The following LIPE variants were observed in gnomAD, a reference collection of about 807,000 sequenced individuals.
LIPE encodes the protein hormone-sensitive lipase.
LIPE carries 66 observed loss-of-function variants against 88.5 expected under a neutral mutation model. The ratio of observed to expected loss-of-function variants is 0.75; its 90% confidence interval spans 0.61 to 0.91. The LOEUF (loss-of-function observed/expected upper bound fraction) is 0.91. Ranked by LOEUF, LIPE falls within the 40% of genes least tolerant of loss-of-function variation. LIPE has a pLI of 0.00. For synonymous variants in LIPE, 570 were observed against 617.5 expected (o/e 0.92, Z 1.14); for missense variants, 1,346 against 1,434.7 (o/e 0.94, Z 1.00).
In LIPE at chr19:42,408,190, G is replaced by T. The variant is rs1307939201; in HGVS notation, c.1510+42C>A. The T allele has an allele frequency of 6.2e-7, 1 of 1,613,620 alleles. No individual in the cohort carries two copies. The highest frequency in any genetic ancestry group is 1.1e-5 in the South Asian group (1 of 91,056). On this transcript the variant is annotated intron_variant, in intron 3 of 9. Transcript: ENST00000244289. The surrounding 1 kb of genome is among the most constrained non-coding windows in gnomAD (Gnocchi z 4.3). ...TGCTTGGGCAGGAGTGGGGAGGAGG[G>T]CCAAGAGAGTAGGCTGCGAGTAGAA...
Position 42,425,953 on chromosome 19 carries a change from C to T in LIPE, c.883+314G>A, listed in dbSNP as rs148806969. Reference sequence around the variant, plus strand: ...AGTAGCTGGGATTACAGGCACCTGCCACCACGCCTGGCTAATTTTTGTATT... The same window carrying T: ...AGTAGCTGGGATTACAGGCACCTGCTACCACGCCTGGCTAATTTTTGTATT... On this transcript the variant is annotated intron_variant, in intron 1 of 9. Coordinates refer to ENST00000244289, the MANE Select transcript of LIPE (RefSeq NM_005357.4). Among the ~76,000 whole-genome samples the T allele has an allele frequency of 7.8e-3, 1,192 of 152,142 alleles. 15 individuals carry two copies. The highest frequency in any genetic ancestry group is 0.027 in the African/African-American group (1,123 of 41,512).
At chr19:42,418,416 A>G (rs1600140214) in intron 1 of LIPE, among the ~76,000 whole-genome samples, 2 of 152,370 alleles carry the variant, frequency 1.3e-5, no homozygotes, top group Admixed American at 1.3e-4. Flanking sequence ...TGCCACAGCC[A>G]CTTTCTACAA....
rs1219120528 is a variant in LIPE at position 42,410,154 on chromosome 19, G to T, written c.1419+153C>A. On this transcript the variant is annotated intron_variant, in intron 2 of 9. Coordinates refer to ENST00000244289, the MANE Select transcript of LIPE (RefSeq NM_005357.4). This position sits in a 1 kb window ranked among gnomAD's most constrained non-coding sequence, Gnocchi z 6.1. ...AGTTTGAGACCCCTGGTGCAGCTCT[G>T]TCTGAGCTCCAGCCAACTTCTCCTT... Among the ~76,000 whole-genome samples the T allele has an allele frequency of 1.3e-5, 2 of 152,216 alleles. No homozygotes were observed. Among genetic ancestry groups the T allele is most frequent in the Non-Finnish European group, 2.9e-5 (2 of 68,038 alleles).
chr19:42,424,388 A>G (rs1039487767), intron 1 of LIPE: 2 of 456,312 alleles, frequency 4.4e-6, no homozygotes, highest in African/African-American at 4.0e-5. Context: ...ACACGCACAC[A>G]GCCAACTGCT....
intron 9 of LIPE, among the ~76,000 whole-genome samples, 191 bp from the exon 10 acceptor site, chr19:42,402,266 G>T (rs1374607545): frequency 5.9e-5 from 9 of 152,010 alleles, no homozygotes; most frequent in Non-Finnish European, 1.2e-4. Flanking sequence ...TTGTGGGAAG[G>T]ATGGGAGAAT....
At position 42,402,942 on chromosome 19, in the gene LIPE, C is replaced by T. The variant is rs1285221785; in HGVS notation, c.2632G>A (p.Asp878Asn). The stretch of plus-strand genomic sequence containing the variant: ...TCGGAGTTTCCCCTCAGGCTCAAGT[C>T]CCTCAGGGTCAGGTTCTTGAGGGAA... Reference protein sequence around the residue: ...TDSLKNLTLRDLSLRGNSETS... With the variant: ...TDSLKNLTLRNLSLRGNSETS... The change falls in exon 9 of 10, where the codon GAC becomes AAC. Residue 878 changes from aspartate (D) to asparagine (N), a missense_variant. By Grantham distance (23) the Asp-to-Asn change is conservative. Coordinates refer to ENST00000244289, the MANE Select transcript of LIPE (RefSeq NM_005357.4). The T allele has an allele frequency of 1.9e-6, 3 of 1,610,056 alleles. No individual in the cohort carries two copies. Among genetic ancestry groups the T allele is most frequent in the Non-Finnish European group, 2.5e-6 (3 of 1,179,908 alleles).
At position 42,405,412 on chromosome 19, in the gene LIPE, A is replaced by T. The variant is rs1451713500; in HGVS notation, c.2515T>A (p.Ser839Thr). 2 of 1,613,392 alleles carry T rather than the reference A, an allele frequency of 1.2e-6. No individual in the cohort carries two copies. The highest frequency in any genetic ancestry group is 2.7e-5 in the African/African-American group (2 of 74,832). ...GCTATGGGCTCCGACATCTTCTGGG[A>T]CTTGCGCCCACTTAACTCCAGGAAG... ...NSFLELSGRK[S>T]QKMSEPIAEP... The change falls in exon 8 of 10, where the codon TCC (serine) becomes ACC (threonine). Residue 839 changes from serine to threonine, a missense_variant. Coordinates refer to ENST00000244289, the MANE Select transcript of LIPE (RefSeq NM_005357.4).
intron 8 of LIPE, among the ~76,000 whole-genome samples, chr19:42,404,480 C>T (rs923457980): frequency 1.2e-4 from 18 of 152,148 alleles, no homozygotes; most frequent in Non-Finnish European, 2.2e-4. Flanking sequence ...CTGCCCGCCT[C>T]GGCCTCCCAA....
chr19:42,424,082 A>T (rs2040659251), intron 1 of LIPE: 2 of 1,189,000 alleles, frequency 1.7e-6, no homozygotes, highest in South Asian at 3.1e-5. Flanking sequence ...GCTGTGCCTG[A>T]GAGCCGTTGG....
intron 1 of LIPE, chr19:42,412,318 G>A (rs2040398991): frequency 1.0e-6 from 1 of 985,626 alleles, no homozygotes; most frequent in African/African-American, 1.7e-5. Flanking sequence ...CTAGGTCCTG[G>A]GGCCTGGCAG....
At chr19:42,402,524 G>T in intron 9 of LIPE, 83 bp downstream of exon 9, 2 of 1,272,736 alleles carry the variant, frequency 1.6e-6, no homozygotes, top group Non-Finnish European at 2.1e-6. Flanking sequence ...TTTTTCCCAG[G>T]TGTACCCGTG....
At chr19:42,421,927 T>A (rs1265044469) in intron 1 of LIPE, among the ~76,000 whole-genome samples, 2 of 152,250 alleles carry the variant, frequency 1.3e-5, no homozygotes, top group Non-Finnish European at 2.9e-5. Context: ...TGAGCCTTTG[T>A]GAATGGCTCG....
intron 8 of LIPE, among the ~76,000 whole-genome samples, chr19:42,404,424 T>G (rs1444596136): frequency 1.3e-5 from 2 of 152,082 alleles, no homozygotes; most frequent in Non-Finnish European, 2.9e-5. Context: ...AGGGATGGGG[T>G]TTCACCATGT....
In LIPE at chr19:42,410,977, A is replaced by G. The variant is rs2040359440; in HGVS notation, c.884-135T>C. On this transcript the variant is annotated intron_variant, in intron 1 of 9. Transcript: ENST00000244289. The surrounding 1 kb of genome is among the most constrained non-coding windows in gnomAD (Gnocchi z 6.1). Reference sequence around the variant, plus strand: ...TGTCTTCTTTCAGTTCCAGGGGCCCAGGACCCCAGGTTCCTCCTCCCTTAG... The same window carrying G: ...TGTCTTCTTTCAGTTCCAGGGGCCCGGGACCCCAGGTTCCTCCTCCCTTAG... The G allele has an allele frequency of 1.1e-6, 1 of 878,570 alleles. No homozygotes were observed. The highest frequency in any genetic ancestry group is 1.7e-6 in the Non-Finnish European group (1 of 587,512). The allele number at this position is 878,570 out of a possible 1,614,324, so 54.4% of individuals were successfully genotyped here. A position where few individuals can be genotyped will look rare whatever the true frequency, so the allele number is the denominator to read the frequency against.
chr19:42,423,084 A>AT (rs2040631373), intron 1 of LIPE: 2 of 265,962 alleles, frequency 7.5e-6, no homozygotes, highest in Non-Finnish European at 1.5e-5. Context: ...CGCTTGAAGC[A>AT]TTCCCCAGGT....
In LIPE at chr19:42,410,903, C is replaced by T; in HGVS notation, c.884-61G>A. The T allele has an allele frequency of 6.8e-7, 1 of 1,471,270 alleles. No individual in the cohort carries two copies. The highest frequency in any genetic ancestry group is 1.3e-5 in the South Asian group (1 of 74,094). 91.1% of individuals were successfully genotyped at this position (1,471,270 alleles called of 1,614,324 possible). A position where few individuals can be genotyped will look rare whatever the true frequency, so the allele number is the denominator to read the frequency against. On this transcript the variant is annotated intron_variant, in intron 1 of 9. Transcript: ENST00000244289. The surrounding 1 kb of genome is among the most constrained non-coding windows in gnomAD (Gnocchi z 6.1). ...GGATCAAGCCTTGCTTAGCTGGGGC[C>T]CAGGAGTCTGGGCCATAGCTTACCC...
rs2040216720 is a variant in LIPE, at chr19:42,407,289, C to T, written c.2022G>A (p.Leu674=). The part of the protein sequence containing the change: ...EPYLKSWAQE[L]GAPIISIDYS... ...AGTCGATGGAGATGATGGGGGCGCCCAGCTCCTGGGCCCAGCTCTTGAGGT... is the reference window on the plus strand; with the variant it reads ...AGTCGATGGAGATGATGGGGGCGCCTAGCTCCTGGGCCCAGCTCTTGAGGT... The change falls in exon 6 of 10, where the codon CTG becomes CTA. Residue 674 remains leucine (L), a synonymous_variant. Coordinates refer to ENST00000244289, the MANE Select transcript of LIPE (RefSeq NM_005357.4). The surrounding 1 kb of genome is among the most constrained non-coding windows in gnomAD (Gnocchi z 5.8). The T allele has an allele frequency of 6.8e-6, 11 of 1,609,590 alleles. No individual in the cohort carries two copies. Among genetic ancestry groups the T allele is most frequent in the Non-Finnish European group, 8.5e-6 (10 of 1,178,244 alleles).
At chr19:42,422,474 G>C (rs980519104) in intron 1 of LIPE, among the ~76,000 whole-genome samples, 4 of 152,202 alleles carry the variant, frequency 2.6e-5, no homozygotes, top group Non-Finnish European at 4.4e-5. Flanking sequence ...CTCTGAGCCT[G>C]TCTGAGCCTG....
At chr19:42,402,513 C>T (rs1218263464) in intron 9 of LIPE, 94 bp downstream of exon 9, 10 of 1,198,674 alleles carry the variant, frequency 8.3e-6, no homozygotes, top group Non-Finnish European at 1.0e-5. Context: ...CTCCGGAGCT[C>T]TTTTTCCCAG....
Sources: allele counts gnomAD v4.1 joint callset (sites outside exome capture counted in the v4.1 genomes callset), GRCh38; gene constraint gnomAD v4.1.1; non-coding constraint Gnocchi (gnomAD v3.1); transcripts MANE v1.5; gene names NCBI Gene and HGNC (gene_info 2026-07-23, HGNC 2026-07-21).